The following HK1 variants were observed in gnomAD, a reference collection of about 807,000 sequenced individuals.
HK1 encodes the protein hexokinase 1, also known as hexokinase-1.
HK1 carries 28 observed loss-of-function variants against 91.6 expected under a neutral mutation model. The ratio of observed to expected loss-of-function variants is 0.31; its 90% CI spans 0.23 to 0.42. HK1 has a LOEUF of 0.42. Ranked by LOEUF, HK1 falls within the 10% of genes least tolerant of loss-of-function variation. The probability of loss-of-function intolerance (pLI) is 1.00; values close to 1 mark genes in which losing one functional copy is unlikely to be tolerated. For missense variants in HK1, 770 were observed against 1,219.8 expected (o/e 0.63, Z 5.49); for synonymous variants, 430 against 468.1 (o/e 0.92, Z 1.05).
intron 1 of HK1, among the ~76,000 whole-genome samples, chr10:69,327,331 A>G (rs1298076083): frequency 6.6e-6 from 1 of 152,170 alleles, no homozygotes; most frequent in African/African-American, 2.4e-5. Flanking sequence ...TACTGTATGT[A>G]TCCTTCCGCC....
chr10:69,396,388 C>T (rs11597672), intron 16 of HK1, among the ~76,000 whole-genome samples: 6 of 152,072 alleles, frequency 3.9e-5, no homozygotes, highest in Admixed American at 1.3e-4. Context: ...GTATACAGTT[C>T]GGTGACATTA....
intron 5 of HK1, among the ~76,000 whole-genome samples, chr10:69,306,646 G>T (rs569069055): frequency 1.3e-5 from 2 of 152,294 alleles, no homozygotes; most frequent in South Asian, 4.1e-4. Flanking sequence ...TCAAATATGC[G>T]TTTGGCGCAG....
In HK1 at chr10:69,389,237, T is replaced by C. The variant is rs1415017882; in HGVS notation, c.1976T>C (p.Val659Ala). 6.2e-7 allele frequency: 1 copy of C among 1,613,930 alleles called. No individual in the cohort carries two copies. The highest frequency in any genetic ancestry group is 1.3e-5 in the African/African-American group (1 of 74,924). Residue 659 changes from valine to alanine, a missense_variant, in exon 14 of 18, where the codon GTG becomes GCG. Val to Ala is a moderately conservative substitution (Grantham distance 64, BLOSUM62 0). Around this residue, in one of 7 missense-constraint regions of HK1, gnomAD observed 152 missense variants for 211.1 expected, o/e 0.72. Coordinates refer to ENST00000359426, the MANE Select transcript of HK1 (RefSeq NM_000188.3). The stretch of plus-strand genomic sequence containing the variant: ...GTGGTGGCTGTGGTCAACGACACAG[T>C]GGGCACCATGATGACCTGTGCTTAT... ...LDVVAVVNDT[V>A]GTMMTCAYEE... is the part of the protein sequence containing the mutation.
upstream of HK1, among the ~76,000 whole-genome samples, chr10:69,311,926 C>T (rs112159012): frequency 0.011 from 1,719 of 151,852 alleles, 9 homozygotes; most frequent in Non-Finnish European, 0.019. Context: ...TGAGCCACCG[C>T]GCTCGGCCCA....
intron 1 of HK1, among the ~76,000 whole-genome samples, chr10:69,280,746 C>T (rs1844706925): frequency 1.3e-5 from 2 of 152,158 alleles, no homozygotes; most frequent in South Asian, 4.1e-4. Context: ...TTGCCAGCCT[C>T]CAGAACTGTG....
chr10:69,301,392 G>A lies in HK1; in HGVS notation c.27+531G>A, dbSNP rs370627312. Among the ~76,000 whole-genome samples, 76 of 151,322 alleles carry A rather than the reference G, an allele frequency of 5.0e-4. 1 individual carries two copies. In the South Asian group the frequency reaches 0.015, roughly 31 times the overall value. ...AGTTTGCAACCAGCCTGGCCAACAT[G>A]GTGAAACCCCATCTCTACTAAAAAT... On this transcript the variant is annotated intron_variant, in intron 5 of 21. Coordinates refer to the HK1 transcript ENST00000360289.
intron 13 of HK1, among the ~76,000 whole-genome samples, chr10:69,388,393 G>A (rs1037539341): frequency 1.3e-5 from 2 of 152,170 alleles, no homozygotes; most frequent in Admixed American, 6.5e-5. Flanking sequence ...TCTGCAGTGA[G>A]CCGTGGTTGC....
At chr10:69,338,736 TGTGTGAGA>T in intron 1 of HK1, 1 of 1,241,068 alleles carries the variant, frequency 8.1e-7, no homozygotes, top group Non-Finnish European at 1.0e-6. Context: ...TATGTGTGAG[TGTGTGAGA>T]GTGTGTGTGT....
chr10:69,394,371 TC>T (rs1333266668), intron 15 of HK1, among the ~76,000 whole-genome samples: 5 of 152,156 alleles, frequency 3.3e-5, no homozygotes, highest in Non-Finnish European at 7.3e-5. Flanking sequence ...CTAGAAACTT[TC>T]CTTTTTTTTG....
At chr10:69,305,860 A>AT (rs1376861931) in intron 5 of HK1, among the ~76,000 whole-genome samples, 1 of 119,482 alleles carries the variant, frequency 8.4e-6, no homozygotes, top group Non-Finnish European at 1.8e-5. Flanking sequence ...CTCAAAAAAA[A>AT]CAAAAAACAA....
rs532405588 is a variant in HK1, at chr10:69,304,224, A to G, written c.27+3363A>G. On this transcript the variant is annotated intron_variant, in intron 5 of 21. Coordinates refer to the HK1 transcript ENST00000360289. ...GGCAGTCTGATCTCCAGACAAGAAGAGGGTTTGTTTTGGAAAAGGGCTGTT... is the reference window on the plus strand; with the variant it reads ...GGCAGTCTGATCTCCAGACAAGAAGGGGGTTTGTTTTGGAAAAGGGCTGTT... Among the ~76,000 whole-genome samples the G allele has an allele frequency of 8.7e-4, 133 of 152,088 alleles. 1 individual carries two copies. The highest frequency in any genetic ancestry group is 7.5e-3 in the South Asian group (36 of 4,818).
chr10:69,286,656 C>T (rs1845047080), intron 2 of HK1, among the ~76,000 whole-genome samples: 1 of 151,624 alleles, frequency 6.6e-6, no homozygotes, highest in Non-Finnish European at 1.5e-5. Flanking sequence ...TCAAGGGATT[C>T]TCCTGGCTCA....
upstream of HK1, chr10:69,318,165 T>G (rs1318527690): frequency 1.5e-5 from 15 of 985,232 alleles, no homozygotes; most frequent in African/African-American, 3.5e-5. Context: ...GGTTCAGCAA[T>G]ACAAATCTGC....
At chr10:69,278,664 C>T (rs774485977) in intron 1 of HK1, 8 of 152,212 alleles carry the variant, frequency 5.3e-5, no homozygotes, top group Non-Finnish European at 1.2e-4. Flanking sequence ...TGTGGTAGTC[C>T]TGGTGCCCTG....
At chr10:69,276,083 T>C (rs1330266212) in intron 1 of HK1, among the ~76,000 whole-genome samples, 1 of 60,864 alleles carries the variant, frequency 1.6e-5, no homozygotes, top group African/African-American at 7.2e-5. Flanking sequence ...AGAGCAAAAC[T>C]CCTTTTCAAA....
intron 2 of HK1, among the ~76,000 whole-genome samples, chr10:69,352,537 A>G (rs1848932077): frequency 6.6e-6 from 1 of 152,236 alleles, no homozygotes; most frequent in Non-Finnish European, 1.5e-5. Context: ...TAATCGGTTC[A>G]TAAAAAGGAA....
intron 14 of HK1, among the ~76,000 whole-genome samples, chr10:69,390,374 CA>C: frequency 6.6e-6 from 1 of 151,136 alleles, no homozygotes; most frequent in South Asian, 2.1e-4. Context: ...GCTCCAGCTA[CA>C]TTTCATAGCT....
At chr10:69,384,706 C>T (rs1044269352) in intron 11 of HK1, 90 bp from the exon 12 acceptor site, 39 of 1,528,166 alleles carry the variant, frequency 2.6e-5, no homozygotes, top group Middle Eastern at 1.7e-4. Context: ...TGTTTTCCTA[C>T]GTGTGTGTGT....
chr10:69,328,556 G>A (rs762258534), intron 1 of HK1, among the ~76,000 whole-genome samples: 3 of 152,190 alleles, frequency 2.0e-5, no homozygotes, highest in African/African-American at 4.8e-5. Flanking sequence ...ATTTCAGACG[G>A]TGAGGCCCAG....
Sources: gnomAD v4.1 joint callset for allele counts (sites outside exome capture counted in the v4.1 genomes callset) on GRCh38, gnomAD v4.1.1 for gene constraint, gnomAD v4.1.1 regional missense constraint, MANE v1.5 for transcripts, NCBI Gene and HGNC (gene_info 2026-07-23, HGNC 2026-07-21) for gene names.